C1orf105: variants seen among roughly 807,000 people sequenced by gnomAD.
C1orf105 encodes the protein chromosome 1 open reading frame 105, also known as uncharacterized protein C1orf105.
A neutral mutation model predicts 20.8 loss-of-function variants in C1orf105; 17 were observed. The ratio of observed to expected loss-of-function variants is 0.82; its 90% CI spans 0.56 to 1.23. The LOEUF (loss-of-function observed/expected upper bound fraction) is 1.23. Ranked by LOEUF, C1orf105 falls within the 50% of genes most tolerant of loss-of-function variation. The pLI is 0.00. For missense variants in C1orf105, 219 were observed against 213.5 expected, an observed-to-expected ratio of 1.03 and a Z score of -0.16; for synonymous variants, 72 against 72.1, an observed-to-expected ratio of 1.00 and a Z score of 0.01.
At chr1:172,425,985 G>A (rs2071712341) in intron 1 of C1orf105, among the ~76,000 whole-genome samples, 1 of 151,184 alleles carries the variant, frequency 6.6e-6, no homozygotes, top group Non-Finnish European at 1.5e-5. Context: ...AAGAACCCCT[G>A]GATTCTAGGC....
chr1:172,431,058 C>T (rs2071860361), intron 1 of C1orf105: 3 of 656,082 alleles, frequency 4.6e-6, no homozygotes, highest in South Asian at 3.5e-5. Flanking sequence ...CTTGGGCCTC[C>T]CTATTTCCTG....
intron 4 of C1orf105, among the ~76,000 whole-genome samples, chr1:172,460,033 A>C (rs909298738): frequency 3.9e-5 from 6 of 152,182 alleles, no homozygotes; most frequent in Non-Finnish European, 5.9e-5. Context: ...TGGTTGTCAA[A>C]GATTGGGGAG....
intron 1 of C1orf105, 33 bp from the exon 2 acceptor site, chr1:172,445,040 A>G: frequency 1.3e-6 from 2 of 1,546,658 alleles, no homozygotes; most frequent in Non-Finnish European, 1.8e-6. Context: ...TAAGTGTGAT[A>G]TATTCTGTAA....
chr1:172,468,557 C>T lies in C1orf105; in HGVS notation c.515C>T (p.Pro172Leu). 2 of 1,613,868 alleles carry T rather than the reference C, an allele frequency of 1.2e-6. No individual in the cohort carries two copies. The highest frequency in any genetic ancestry group is 1.7e-6 in the Non-Finnish European group (2 of 1,179,836). ...TLKERQRSSL[P>L]RKEPIGKTTR... ...AAAGAGAGACAACGTTCTTCCTTGCCCAGAAAGGAACCAATAGGCAAGACA... is the reference window on the plus strand; with the variant it reads ...AAAGAGAGACAACGTTCTTCCTTGCTCAGAAAGGAACCAATAGGCAAGACA... The change falls in exon 7 of 7, where the codon CCC (proline) becomes CTC (leucine). Residue 172 changes from proline to leucine, a missense_variant. Pro to Leu is a moderately conservative substitution (Grantham distance 98). Transcript: ENST00000367727.
chr1:172,468,141 G>T (rs544830739), intron 6 of C1orf105, among the ~76,000 whole-genome samples: 19 of 151,858 alleles, frequency 1.3e-4, no homozygotes, highest in Admixed American at 9.8e-4. Flanking sequence ...AATTTAATTG[G>T]TAATGACGTC....
chr1:172,426,919 TA>T (rs765338973), intron 1 of C1orf105, among the ~76,000 whole-genome samples: 2 of 152,208 alleles, frequency 1.3e-5, no homozygotes, highest in Non-Finnish European at 1.5e-5. Flanking sequence ...TCTAACTCTC[TA>T]CCTACTCTGG....
At position 172,456,586 on chromosome 1, in the gene C1orf105, C is replaced by G. The variant is rs112445611; in HGVS notation, c.273+97C>G. On this transcript the variant is annotated intron_variant, in intron 4 of 6. Coordinates refer to ENST00000367727, the MANE Select transcript of C1orf105 (RefSeq NM_139240.4). ...TGTGGGGAGAGATAGTGACGGGGCC[C>G]GTTGCAAGGAGGGCCTAGATAAAGG... 74 of 1,204,154 alleles carry G rather than the reference C, an allele frequency of 6.1e-5. No individual in the cohort carries two copies. The African/African-American group carries it at 7.7e-4, about 13-fold the overall frequency. The allele number at this position is 1,204,154 out of a possible 1,614,324, so 74.6% of individuals were successfully genotyped here. A position where few individuals can be genotyped will look rare whatever the true frequency, so the allele number is the denominator to read the frequency against.
chr1:172,449,399 G>A (rs1413031368), intron 3 of C1orf105, among the ~76,000 whole-genome samples: 2 of 152,108 alleles, frequency 1.3e-5, no homozygotes, highest in Non-Finnish European at 2.9e-5. Flanking sequence ...GGCAAGCAGA[G>A]TGGAAGTGAG....
intron 5 of C1orf105, 24 bp downstream of exon 5, chr1:172,462,269 A>T: frequency 1.3e-6 from 2 of 1,539,548 alleles, no homozygotes; most frequent in Non-Finnish European, 1.8e-6. Context: ...TTAAATCAGG[A>T]CATGACTTAA....
At chr1:172,443,782 A>T (rs967370533) in intron 1 of C1orf105, 1 of 207,650 alleles carries the variant, frequency 4.8e-6, no homozygotes, top group Non-Finnish European at 9.5e-6. Flanking sequence ...CCAAAAGGGC[A>T]GCGCCCGCCC....
chr1:172,424,453 C>T (rs559381190), intron 1 of C1orf105, among the ~76,000 whole-genome samples: 5 of 152,288 alleles, frequency 3.3e-5, no homozygotes, highest in South Asian at 4.1e-4. Context: ...TGCAGTGGCA[C>T]GATCCCGGCT....
At chr1:172,451,867 C>CTTTTTTTTTTTTTTTTT (rs11462736) in intron 3 of C1orf105, among the ~76,000 whole-genome samples, 1 of 85,196 alleles carries the variant, frequency 1.2e-5, no homozygotes, top group Admixed American at 1.8e-4. Flanking sequence ...TATATGGATT[C>CTTTTTTTTTTTTTTTTT]TTTTTTTTTT....
At chr1:172,441,726 A>C (rs1338775434) in intron 1 of C1orf105, 2 of 1,534,918 alleles carry the variant, frequency 1.3e-6, no homozygotes, top group Non-Finnish European at 1.7e-6. Flanking sequence ...TGGATGTCCT[A>C]ATTTAACTGA....
chr1:172,460,922 T>C (rs1303597413), intron 4 of C1orf105, among the ~76,000 whole-genome samples: 1 of 152,242 alleles, frequency 6.6e-6, no homozygotes, highest in Non-Finnish European at 1.5e-5. Flanking sequence ...GCAGCCCCTG[T>C]AGCACAGTTC....
intron 1 of C1orf105, among the ~76,000 whole-genome samples, chr1:172,425,158 C>T (rs2071691436): frequency 6.6e-6 from 1 of 152,196 alleles, no homozygotes; most frequent in Admixed American, 6.5e-5. Context: ...CCAGTTGGTT[C>T]CATTTGGTGG....
intron 1 of C1orf105, among the ~76,000 whole-genome samples, chr1:172,439,035 T>G (rs2072131123): frequency 6.6e-6 from 1 of 152,362 alleles, no homozygotes; most frequent in Non-Finnish European, 1.5e-5. Context: ...AGCATAAATT[T>G]TATACACACT....
chr1:172,463,023 C>T (rs902811142), intron 5 of C1orf105, among the ~76,000 whole-genome samples: 4 of 152,118 alleles, frequency 2.6e-5, no homozygotes, highest in Non-Finnish European at 5.9e-5. Flanking sequence ...GTGATCTGCC[C>T]GCCTCGGCCT....
intron 6 of C1orf105, among the ~76,000 whole-genome samples, chr1:172,467,729 T>TGGA (rs1650163461): frequency 6.6e-6 from 1 of 152,198 alleles, no homozygotes; most frequent in African/African-American, 2.4e-5. Flanking sequence ...CTTTGTTCTC[T>TGGA]GGAGCTTGTT....
intron 2 of C1orf105, among the ~76,000 whole-genome samples, chr1:172,447,632 G>A (rs1414766825): frequency 6.6e-6 from 1 of 152,236 alleles, no homozygotes; most frequent in East Asian, 1.9e-4. Flanking sequence ...AGGGAAGTGT[G>A]AGGAGAAATG....
Sources: allele counts gnomAD v4.1 joint callset (sites outside exome capture counted in the v4.1 genomes callset), GRCh38; gene constraint gnomAD v4.1.1; transcripts MANE v1.5; gene names NCBI Gene and HGNC (gene_info 2026-07-23, HGNC 2026-07-21).